XKR6: variants seen among roughly 807,000 people sequenced by gnomAD.
The protein encoded by XKR6 is XK related 6.
Under a neutral mutation model 56.7 loss-of-function variants are expected in XKR6, and 22 were observed. The ratio of observed to expected loss-of-function variants is 0.39; its 90% CI spans 0.28 to 0.55. The LOEUF (loss-of-function observed/expected upper bound fraction) is 0.55. Among genes scored for constraint, XKR6 ranks in the 20% least tolerant of loss-of-function variants. XKR6 has a pLI of 0.66. For missense variants in XKR6, 852 were observed against 889.0 expected (o/e 0.96, Z 0.53); for synonymous variants, 524 against 387.8 (o/e 1.35, Z -4.13).
chr8:11,170,985 A>G (rs922631748), intron 1 of XKR6, among the ~76,000 whole-genome samples: 7 of 152,384 alleles, frequency 4.6e-5, no homozygotes, highest in Middle Eastern at 3.4e-3. Flanking sequence ...CTCCAACATC[A>G]GAATTTAGAT....
intron 1 of XKR6, among the ~76,000 whole-genome samples, chr8:11,142,062 GT>G (rs1800731027): frequency 6.7e-6 from 1 of 149,552 alleles, no homozygotes; most frequent in Non-Finnish European, 1.5e-5. Context: ...ACCAAGACAA[GT>G]TGTTCTGAAC....
chr8:11,198,413 A>G (rs1343326672), intron 1 of XKR6, among the ~76,000 whole-genome samples: 1 of 151,932 alleles, frequency 6.6e-6, no homozygotes, highest in Non-Finnish European at 1.5e-5. Flanking sequence ...TAACTTTAGG[A>G]AATATTTAGA....
intron 1 of XKR6, among the ~76,000 whole-genome samples, chr8:11,168,232 T>C (rs562104318): frequency 6.6e-6 from 1 of 152,312 alleles, no homozygotes; most frequent in South Asian, 2.1e-4. Flanking sequence ...AGGCCAGACA[T>C]TGTACTTACT....
intron 1 of XKR6, among the ~76,000 whole-genome samples, chr8:11,151,149 C>T (rs1166996715): frequency 6.6e-6 from 1 of 152,112 alleles, no homozygotes; most frequent in African/African-American, 2.4e-5. Flanking sequence ...CCTCTTTCTC[C>T]CCCGCAAGTG....
At chr8:11,083,742 G>C (rs1368931551) in intron 1 of XKR6, among the ~76,000 whole-genome samples, 1 of 152,160 alleles carries the variant, frequency 6.6e-6, no homozygotes, top group African/African-American at 2.4e-5. Flanking sequence ...ATCAATAAGA[G>C]ATCTGGAAAG....
chr8:10,984,439 T>C (rs1336651263), intron 1 of XKR6, among the ~76,000 whole-genome samples: 1 of 151,954 alleles, frequency 6.6e-6, no homozygotes, highest in African/African-American at 2.4e-5. Flanking sequence ...AGGGCACTAT[T>C]CAACTTAATT....
intron 1 of XKR6, among the ~76,000 whole-genome samples, chr8:11,119,738 G>A (rs990965872): frequency 5.9e-5 from 9 of 152,050 alleles, no homozygotes; most frequent in African/African-American, 2.2e-4. Context: ...ACAACATACT[G>A]AGAATTTTAG....
At chr8:10,902,041 T>C (rs1800049410) in intron 2 of XKR6, among the ~76,000 whole-genome samples, 1 of 152,228 alleles carries the variant, frequency 6.6e-6, no homozygotes, top group African/African-American at 2.4e-5. Flanking sequence ...AAGGCGGGTG[T>C]TCTGTTCCTG....
chr8:10,898,335 C>T lies in XKR6; in HGVS notation c.1543G>A (p.Glu515Lys), dbSNP rs1220861460. The change falls in exon 3 of 3, where the codon GAG becomes AAG. Residue 515 changes from glutamate to lysine, a missense_variant. Glu to Lys is a moderately conservative substitution (Grantham distance 56). Around this residue, in one of 4 missense-constraint regions of XKR6, gnomAD observed 197 missense variants for 190.9 expected, o/e 1.03. Coordinates refer to ENST00000416569, the MANE Select transcript of XKR6 (RefSeq NM_173683.4). The surrounding 1 kb of genome is among the most constrained non-coding windows in gnomAD (Gnocchi z 6.6). ...GGCAAAGGGATGCCCCAGAGCAGCT[C>T]GGCACAACAGGAGCTGGCAAGGATC... ...AKILASSCCAELLWGIPLPPD... is the reference protein window; with the variant it reads ...AKILASSCCAKLLWGIPLPPD... The T allele has an allele frequency of 6.2e-7, 1 of 1,613,846 alleles. No homozygotes were observed. The highest frequency in any genetic ancestry group is 8.5e-7 in the Non-Finnish European group (1 of 1,179,830).
At chr8:10,959,010 C>T (rs4623374) in intron 1 of XKR6, among the ~76,000 whole-genome samples, 26,250 of 152,146 alleles carry the variant, frequency 0.17, 3,030 homozygotes, top group African/African-American at 0.33. Flanking sequence ...GCCCACAGAC[C>T]GGGGGAAACC....
intron 1 of XKR6, among the ~76,000 whole-genome samples, chr8:11,004,863 G>A (rs966929148): frequency 1.3e-5 from 2 of 152,160 alleles, no homozygotes; most frequent in African/African-American, 2.4e-5. Context: ...CCTTAAAAAG[G>A]AAAGAAATTC....
intron 1 of XKR6, among the ~76,000 whole-genome samples, chr8:11,133,310 G>A (rs1360579390): frequency 1.3e-5 from 2 of 152,136 alleles, no homozygotes; most frequent in African/African-American, 4.8e-5. Flanking sequence ...TCCTTTGTGA[G>A]AGGCAAGGTG....
intron 1 of XKR6, among the ~76,000 whole-genome samples, chr8:11,150,604 G>A (rs1801224116): frequency 2.6e-5 from 4 of 152,156 alleles, no homozygotes; most frequent in Middle Eastern, 3.4e-3. Context: ...TATAATCCCA[G>A]CACTTCGGGA....
At chr8:11,075,156 G>C (rs1179196313) in intron 1 of XKR6, among the ~76,000 whole-genome samples, 1 of 152,190 alleles carries the variant, frequency 6.6e-6, no homozygotes, top group African/African-American at 2.4e-5. Context: ...CAGGAACCCT[G>C]CCATGGCTTG....
intron 1 of XKR6, among the ~76,000 whole-genome samples, chr8:11,180,726 G>C (rs1426650231): frequency 1.3e-5 from 2 of 151,854 alleles, no homozygotes; most frequent in African/African-American, 4.8e-5. Context: ...GCAACACATT[G>C]AGACCCCAAC....
At chr8:11,132,896 A>C (rs1287026110) in intron 1 of XKR6, among the ~76,000 whole-genome samples, 1 of 152,120 alleles carries the variant, frequency 6.6e-6, no homozygotes, top group Non-Finnish European at 1.5e-5. Flanking sequence ...AGATGCCAGA[A>C]ATAAATGCTC....
chr8:10,979,180 T>C (rs533909480), intron 1 of XKR6, among the ~76,000 whole-genome samples: 2 of 152,074 alleles, frequency 1.3e-5, no homozygotes, highest in East Asian at 3.9e-4. Context: ...CATCCTACTC[T>C]GCCCCTCCCT....
At chr8:11,045,134 C>T (rs542423747) in intron 1 of XKR6, among the ~76,000 whole-genome samples, 24 of 125,630 alleles carry the variant, frequency 1.9e-4, no homozygotes, top group Admixed American at 6.6e-4. Flanking sequence ...TCGCCCAGGC[C>T]GGAGTGCAGT....
intron 1 of XKR6, among the ~76,000 whole-genome samples, chr8:11,089,590 C>G (rs934202516): frequency 6.6e-6 from 1 of 152,144 alleles, no homozygotes; most frequent in Non-Finnish European, 1.5e-5. Context: ...TGAGCTATGA[C>G]TGTTCTACTG....
Sources: allele counts gnomAD v4.1 joint callset (sites outside exome capture counted in the v4.1 genomes callset), GRCh38; gene constraint gnomAD v4.1.1; regional missense constraint gnomAD v4.1.1; non-coding constraint Gnocchi (gnomAD v3.1); transcripts MANE v1.5; gene names NCBI Gene and HGNC (gene_info 2026-07-23, HGNC 2026-07-21).